Variants in NEK10 observed in about 807,000 individuals in gnomAD.
NEK10 encodes the protein serine/threonine-protein kinase Nek10.
In NEK10, 122 loss-of-function variants were observed where a neutral mutation model predicts 159.8. The ratio of observed to expected loss-of-function variants is 0.76; its 90% CI spans 0.66 to 0.89. The LOEUF (loss-of-function observed/expected upper bound fraction) is 0.89. Among genes scored for constraint, NEK10 ranks in the 40% least tolerant of loss-of-function variants. The pLI is 0.00. For missense variants in NEK10, 1,342 were observed against 1,323.1 expected (o/e 1.01, Z -0.22); for synonymous variants, 466 against 457.1 (o/e 1.02, Z -0.25).
At chr3:27,293,830 A>G (rs1034850986) in intron 15 of NEK10, among the ~76,000 whole-genome samples, 178 bp from the exon 16 acceptor site, 6 of 152,222 alleles carry the variant, frequency 3.9e-5, no homozygotes, top group African/African-American at 1.4e-4. Flanking sequence ...TCATTCCTGT[A>G]TTTAAAAAGT....
chr3:27,132,065 G>T, intron 31 of NEK10, 75 bp from the exon 32 acceptor site: 1 of 747,520 alleles, frequency 1.3e-6, no homozygotes, highest in Non-Finnish European at 2.3e-6. Flanking sequence ...AGCATTCGCT[G>T]AGGGCCCATG....
intron 31 of NEK10, among the ~76,000 whole-genome samples, chr3:27,137,820 C>T (rs556676273): frequency 1.3e-5 from 2 of 152,286 alleles, no homozygotes; most frequent in South Asian, 2.1e-4. Flanking sequence ...GGCTACTCAG[C>T]CCCAGGCTTA....
rs1253080499 is a variant in NEK10 at position 27,120,477 on chromosome 3, C to T, written c.3082-609G>A. On this transcript the variant is annotated intron_variant, in intron 32 of 35. Coordinates refer to ENST00000691995, the MANE Select transcript of NEK10 (RefSeq NM_001394966.1). ...AGCTGGGATTATAGGCACCCACCAC[C>T]ATGCCCAGCTAATTTTTGTATTTTT... 4.7e-5 allele frequency among the ~76,000 whole-genome samples: 7 copies of T among 149,654 alleles called. No homozygotes were observed. In the Admixed American group the frequency reaches 4.7e-4, roughly 10 times the overall value.
intron 22 of NEK10, among the ~76,000 whole-genome samples, chr3:27,265,116 C>G (rs2040782038): frequency 1.3e-5 from 2 of 152,070 alleles, no homozygotes; most frequent in Non-Finnish European, 2.9e-5. Flanking sequence ...CCAAAAAAAG[C>G]TGTAGCTAAT....
chr3:27,325,285 G>T (rs2045930283), intron 5 of NEK10, among the ~76,000 whole-genome samples: 1 of 152,162 alleles, frequency 6.6e-6, no homozygotes, highest in African/African-American at 2.4e-5. Context: ...CCAAGAAAAA[G>T]CGAGGGAGAT....
chr3:27,257,325 G>A (rs992266404), intron 22 of NEK10, among the ~76,000 whole-genome samples: 3 of 152,102 alleles, frequency 2.0e-5, no homozygotes, highest in Non-Finnish European at 4.4e-5. Context: ...TACCAGGATT[G>A]CACAAAAAAG....
chr3:27,276,779 T>C (rs187495828), intron 22 of NEK10, among the ~76,000 whole-genome samples: 137 of 152,284 alleles, frequency 9.0e-4, no homozygotes, highest in African/African-American at 2.7e-3. Flanking sequence ...ATTGAGCCCC[T>C]TTTTCACATT....
At chr3:27,324,314 A>G (rs2045863150) in intron 5 of NEK10, among the ~76,000 whole-genome samples, 1 of 152,234 alleles carries the variant, frequency 6.6e-6, no homozygotes, top group Non-Finnish European at 1.5e-5. Flanking sequence ...TCAGTTGTTG[A>G]GGATACTTGT....
intron 30 of NEK10, among the ~76,000 whole-genome samples, chr3:27,158,814 T>G (rs1257986167): frequency 1.3e-5 from 2 of 152,214 alleles, no homozygotes; most frequent in African/African-American, 2.4e-5. Context: ...CCCACACTAA[T>G]AGAATCCATA....
chr3:27,282,660 G>GTTATATATATATACATAACTGTT, intron 22 of NEK10, among the ~76,000 whole-genome samples: 1 of 122,764 alleles, frequency 8.1e-6, no homozygotes, highest in Admixed American at 8.1e-5. Context: ...ACATAACTGT[G>GTTATATATATATACATAACTGTT]TTATATATAT....
intron 5 of NEK10, among the ~76,000 whole-genome samples, chr3:27,337,176 C>T (rs2046864434): frequency 6.6e-6 from 1 of 151,976 alleles, no homozygotes; most frequent in Non-Finnish European, 1.5e-5. Context: ...TATACACCAA[C>T]AATGAAATAG....
At chr3:27,220,227 T>C (rs1365341252) in intron 23 of NEK10, among the ~76,000 whole-genome samples, 3 of 152,180 alleles carry the variant, frequency 2.0e-5, no homozygotes, top group Non-Finnish European at 2.9e-5. Context: ...TTGCTCTAAA[T>C]TGGTTCTTGC....
chr3:27,231,300 T>A (rs1307647332), intron 23 of NEK10, among the ~76,000 whole-genome samples: 2 of 151,498 alleles, frequency 1.3e-5, no homozygotes, highest in African/African-American at 4.9e-5. Context: ...TTGAAATGAA[T>A]GATAACAGTG....
chr3:27,297,087 C>CA (rs2043409245), intron 14 of NEK10, 92 bp downstream of exon 14: 2 of 734,996 alleles, frequency 2.7e-6, no homozygotes, highest in Middle Eastern at 2.4e-4. Context: ...ATGGGAATCC[C>CA]AAAACCTATG....
intron 22 of NEK10, among the ~76,000 whole-genome samples, chr3:27,268,979 T>C (rs1381821635): frequency 3.3e-5 from 5 of 152,198 alleles, no homozygotes; most frequent in African/African-American, 1.2e-4. Context: ...TGGATGACTT[T>C]GAAGGGTTCA....
chr3:27,346,251 A>C, intron 3 of NEK10, 35 bp from the exon 4 acceptor site: 9 of 1,610,268 alleles, frequency 5.6e-6, no homozygotes, highest in African/African-American at 1.3e-5. Context: ...CATGAGGATC[A>C]CAATTCAGCA....
chr3:27,280,177 G>A (rs1007805350), intron 22 of NEK10, among the ~76,000 whole-genome samples: 3 of 151,864 alleles, frequency 2.0e-5, no homozygotes, highest in African/African-American at 4.8e-5. Context: ...ATGAGAATGG[G>A]CTTGGCAACA....
intron 26 of NEK10, among the ~76,000 whole-genome samples, chr3:27,179,269 T>A (rs912909653): frequency 6.6e-6 from 1 of 152,236 alleles, no homozygotes; most frequent in African/African-American, 2.4e-5. Context: ...TGGATCTTAT[T>A]TATTTTGAAC....
At chr3:27,333,902 C>T (rs972335536) in intron 5 of NEK10, among the ~76,000 whole-genome samples, 8 of 152,196 alleles carry the variant, frequency 5.3e-5, no homozygotes, top group Non-Finnish European at 7.4e-5. Flanking sequence ...ACATGCTTAA[C>T]ATCTGCTGGC....
Sources: gnomAD v4.1 joint callset for allele counts (sites outside exome capture counted in the v4.1 genomes callset) on GRCh38, gnomAD v4.1.1 for gene constraint, MANE v1.5 for transcripts, NCBI Gene and HGNC (gene_info 2026-07-23, HGNC 2026-07-21) for gene names.